DOCK10: variants seen among roughly 807,000 people sequenced by gnomAD.
DOCK10 encodes dedicator of cytokinesis protein 10.
A neutral mutation model predicts 280.1 loss-of-function variants in DOCK10; 145 were observed. The ratio of observed to expected loss-of-function variants is 0.52; its 90% CI spans 0.45 to 0.59. The LOEUF (loss-of-function observed/expected upper bound fraction) is 0.59. Ranked by LOEUF, DOCK10 falls within the 20% of genes least tolerant of loss-of-function variation. DOCK10 has a pLI of 0.00. For synonymous variants in DOCK10, 915 were observed against 942.2 expected (o/e 0.97, Z 0.53); for missense variants, 2,368 against 2,651.7 (o/e 0.89, Z 2.35).
intron 3 of DOCK10, among the ~76,000 whole-genome samples, chr2:224,902,167 A>G (rs1199298513): frequency 6.6e-6 from 1 of 152,216 alleles, no homozygotes; most frequent in Non-Finnish European, 1.5e-5. Flanking sequence ...ATCATGTTAC[A>G]TACCTCAAAT....
chr2:225,022,754 C>T (rs2106104814), intron 1 of DOCK10, among the ~76,000 whole-genome samples: 1 of 152,260 alleles, frequency 6.6e-6, no homozygotes, highest in Non-Finnish European at 1.5e-5. Flanking sequence ...ACAACAAATG[C>T]CTGGGGCCAG....
At chr2:224,833,936 G>A (rs1256030560) in intron 26 of DOCK10, among the ~76,000 whole-genome samples, 1 of 152,160 alleles carries the variant, frequency 6.6e-6, no homozygotes, top group African/African-American at 2.4e-5. Context: ...ACAGAGGTGA[G>A]CCACTGCACC....
Position 225,042,242 on chromosome 2 carries a change from C to T in DOCK10, c.123+10G>A. 7.9e-7 allele frequency: 1 copy of T among 1,271,186 alleles called. No individual in the cohort carries two copies. Among genetic ancestry groups the T allele is most frequent in the East Asian group, 3.2e-5 (1 of 31,264 alleles). The allele number at this position is 1,271,186 out of a possible 1,614,324, so 78.7% of individuals were successfully genotyped here. A position where few individuals can be genotyped will look rare whatever the true frequency, so the allele number is the denominator to read the frequency against. On this transcript the variant is annotated intron_variant, in intron 1 of 55. Coordinates refer to ENST00000258390, the MANE Select transcript of DOCK10 (RefSeq NM_014689.3). The surrounding 1 kb of genome is among the most constrained non-coding windows in gnomAD (Gnocchi z 5.1). ...CGCGCGGGAAGGCGCGGAGGACGCG[C>T]CGCACTCACCCGCTGCTGCTGCCGG...
At chr2:224,943,408 G>A (rs1334574919) in intron 1 of DOCK10, among the ~76,000 whole-genome samples, 1 of 152,136 alleles carries the variant, frequency 6.6e-6, no homozygotes, top group African/African-American at 2.4e-5. Context: ...AATCTGGGTT[G>A]CATAATTCTT....
chr2:224,781,030 G>C (rs1461577842), intron 50 of DOCK10, among the ~76,000 whole-genome samples: 1 of 152,156 alleles, frequency 6.6e-6, no homozygotes, highest in Non-Finnish European at 1.5e-5. Flanking sequence ...GACCGCGCTT[G>C]GTAAACAGAT....
intron 7 of DOCK10, among the ~76,000 whole-genome samples, chr2:224,877,736 C>CG (rs1698728505): frequency 6.6e-6 from 1 of 152,076 alleles, no homozygotes; most frequent in Non-Finnish European, 1.5e-5. Flanking sequence ...ACATTTAAAG[C>CG]GGGGGAACCC....
chr2:224,876,035 C>G lies in DOCK10; in HGVS notation c.931+3G>C. ...GAAGGAAGACGGCTTCATATGCTCT[C>G]ACCCAGACCCAGATCAGTGAGCTCT... On this transcript the variant is annotated splice_donor_region_variant and intron_variant, in intron 8 of 55. Coordinates refer to ENST00000258390, the MANE Select transcript of DOCK10 (RefSeq NM_014689.3). 1 of 1,610,324 alleles carries G rather than the reference C, an allele frequency of 6.2e-7. No homozygotes were observed. Among genetic ancestry groups the G allele is most frequent in the Non-Finnish European group, 8.5e-7 (1 of 1,178,796 alleles).
At position 224,886,132 on chromosome 2, in the gene DOCK10, A is replaced by T. The variant is rs774318242; in HGVS notation, c.543T>A (p.Gly181=). 2 of 1,613,848 alleles carry T rather than the reference A, an allele frequency of 1.2e-6. No homozygotes were observed. Among genetic ancestry groups the T allele is most frequent in the Non-Finnish European group, 1.7e-6 (2 of 1,179,866 alleles). Residue 181 remains glycine, a synonymous_variant, in exon 6 of 56, where the codon GGT becomes GGA. Transcript: ENST00000258390. ...SKGGGGAGGT[G]VFKSGWLYKG... ...TGTAGAGCCAGCCGGACTTGAAAAC[A>T]CCAGTTCCTCCCGCTCCTCCACCCC...
rs192128351 is a variant in DOCK10 at position 224,822,595 on chromosome 2, T to C, written c.3183+906A>G. 3.2e-3 allele frequency among the ~76,000 whole-genome samples: 490 copies of C among 152,162 alleles called. 9 individuals carry two copies. The highest frequency in any genetic ancestry group is 0.011 in the African/African-American group (464 of 41,524). On this transcript the variant is annotated intron_variant, in intron 28 of 55. Coordinates refer to ENST00000258390, the MANE Select transcript of DOCK10 (RefSeq NM_014689.3). ...CAAAAATTAGCCAGGTTTGTGTCTGTGTCCTACTCAGGAGGCTGAGGTGGG... is the reference window on the plus strand; with the variant it reads ...CAAAAATTAGCCAGGTTTGTGTCTGCGTCCTACTCAGGAGGCTGAGGTGGG...
At chr2:224,782,198 G>C (rs1448338520) in intron 50 of DOCK10, among the ~76,000 whole-genome samples, 2 of 152,122 alleles carry the variant, frequency 1.3e-5, no homozygotes, top group Non-Finnish European at 2.9e-5. Context: ...CCAAAGTGGA[G>C]ATGATGGTTT....
chr2:224,777,758 C>A (rs1183959513), intron 51 of DOCK10, among the ~76,000 whole-genome samples: 1 of 152,182 alleles, frequency 6.6e-6, no homozygotes, highest in East Asian at 1.9e-4. Context: ...TTCTGTTAGT[C>A]CTGTTCCTCT....
rs772442937 is a variant in DOCK10, at chr2:224,864,610, C to G, written c.1545G>C (p.Leu515Phe). The change falls in exon 13 of 56, where the codon TTG becomes TTC. Residue 515 changes from leucine to phenylalanine, a missense_variant. Physicochemically the swap from Leu to Phe is conservative, Grantham distance 22 (BLOSUM62 0). Coordinates refer to ENST00000258390, the MANE Select transcript of DOCK10 (RefSeq NM_014689.3). ...CGGCACCACTTGCAATGTTTCCCAT[C>G]AAGACTTTTTCGATTTTGGCCACCA... ...IVLVAKIEKV[L>F]MGNIASGAEP... The G allele has an allele frequency of 6.8e-6, 11 of 1,613,352 alleles. No individual in the cohort carries two copies. Among genetic ancestry groups the G allele is most frequent in the Non-Finnish European group, 7.6e-6 (9 of 1,179,806 alleles).
chr2:224,804,128 C>T lies in DOCK10; in HGVS notation c.4252G>A (p.Gly1418Ser). ...TGACATTACCATTGTGACAAGAGAC[C>T]TGATGTCTGGCAGGAAGGATTGGAT... ...KGSNPSCQTS[G>S]LLSQWMHSTS... The change falls in exon 39 of 56, where the codon GGT (glycine) becomes AGT (serine). Residue 1418 changes from glycine (G) to serine (S), a missense_variant. Gly to Ser is a moderately conservative substitution (Grantham distance 56, BLOSUM62 0). Around this residue, in one of 2 missense-constraint regions of DOCK10, gnomAD observed 1,159 missense variants for 1,400.8 expected, o/e 0.83. Coordinates refer to ENST00000258390, the MANE Select transcript of DOCK10 (RefSeq NM_014689.3). The T allele has an allele frequency of 6.2e-7, 1 of 1,609,128 alleles. No individual in the cohort carries two copies. The highest frequency in any genetic ancestry group is 1.1e-5 in the South Asian group (1 of 90,886).
Position 224,853,067 on chromosome 2 carries a change from T to C in DOCK10, c.1944A>G (p.Thr648=), listed in dbSNP as rs1696861532. Residue 648 remains threonine (T), a synonymous_variant, in exon 17 of 56, where the codon ACA becomes ACG. Coordinates refer to ENST00000258390, the MANE Select transcript of DOCK10 (RefSeq NM_014689.3). ...PVKPFNMMAQ[T]EPTVEVEEFV... ...ATTCTTCCACCTCCACTGTGGGTTC[T>C]GTTTGAGCCATCATGTTGAAAGGCT... 1 of 1,610,394 alleles carries C rather than the reference T, an allele frequency of 6.2e-7. No homozygotes were observed. The highest frequency in any genetic ancestry group is 1.1e-5 in the South Asian group (1 of 90,490).
intron 1 of DOCK10, among the ~76,000 whole-genome samples, chr2:225,016,534 T>C (rs1689595207): frequency 7.1e-6 from 1 of 140,364 alleles, no homozygotes; most frequent in African/African-American, 2.8e-5. Flanking sequence ...TGCACATAGA[T>C]ACATATATCT....
intron 1 of DOCK10, among the ~76,000 whole-genome samples, chr2:225,006,438 T>C (rs1689253548): frequency 1.3e-5 from 2 of 152,238 alleles, no homozygotes; most frequent in Non-Finnish European, 2.9e-5. Context: ...GCTCCATTTC[T>C]TAAATGTCGA....
intron 1 of DOCK10, among the ~76,000 whole-genome samples, chr2:224,954,463 AT>A (rs558408059): frequency 1.3e-5 from 2 of 150,850 alleles, no homozygotes; most frequent in Admixed American, 6.6e-5. Flanking sequence ...GAAGTTTTTG[AT>A]TTTTTTTTGC....
intron 1 of DOCK10, among the ~76,000 whole-genome samples, chr2:224,943,007 G>A (rs1446754754): frequency 6.6e-6 from 1 of 152,072 alleles, no homozygotes; most frequent in African/African-American, 2.4e-5. Flanking sequence ...GGAAGGAAAT[G>A]ATCTCTTTAT....
At chr2:225,035,171 C>A (rs1298210389) in intron 1 of DOCK10, among the ~76,000 whole-genome samples, 1 of 152,058 alleles carries the variant, frequency 6.6e-6, no homozygotes, top group Non-Finnish European at 1.5e-5. Flanking sequence ...TTTCCAATAC[C>A]AACTCCCATT....
Sources: allele counts gnomAD v4.1 joint callset (sites outside exome capture counted in the v4.1 genomes callset), GRCh38; gene constraint gnomAD v4.1.1; regional missense constraint gnomAD v4.1.1; non-coding constraint Gnocchi (gnomAD v3.1); transcripts MANE v1.5; gene names NCBI Gene and HGNC (gene_info 2026-07-23, HGNC 2026-07-21).